The following NLRP7 variants were observed in gnomAD, a reference collection of about 807,000 sequenced individuals.
NLRP7 encodes NACHT, LRR and PYD domains-containing protein 7.
A neutral mutation model predicts 85.5 loss-of-function variants in NLRP7; 72 were observed. That is an observed-to-expected ratio of 0.84 (90% CI 0.70 to 1.02). The LOEUF is 1.02. NLRP7 is among the 50% of genes least tolerant of loss of function. The probability of loss-of-function intolerance (pLI) is 0.00; values close to 1 mark genes in which losing one functional copy is unlikely to be tolerated. For synonymous variants in NLRP7, 550 were observed against 505.2 expected (o/e 1.09, Z -1.19); for missense variants, 1,243 against 1,219.5 (o/e 1.02, Z -0.29).
exon 4 of NLRP7, chr19:54,939,672 G>A: frequency 1.9e-6 from 3 of 1,612,766 alleles, no homozygotes; most frequent in Non-Finnish European, 2.5e-6. Flanking sequence ...GTGGGGACCG[G>A]GTCCTCCCCC....
rs2069709140 is a variant in NLRP7, at chr19:54,952,674, T to TA, written c.-76-5170_-76-5169insT. On this transcript the variant is annotated intron_variant, in intron 1 of 2. Transcript: ENST00000587103. Reference sequence around the variant, plus strand: ...CTCCCATCTCCTCATTCCTCAGCCCTGTGATTAAACTTCCTTCTCTTCTGC... The same window carrying TA: ...CTCCCATCTCCTCATTCCTCAGCCCTAGTGATTAAACTTCCTTCTCTTCTGC... Among the ~76,000 whole-genome samples, 6 of 151,946 alleles carry TA rather than the reference T, an allele frequency of 3.9e-5. No homozygotes were observed. In the South Asian group the frequency reaches 1.2e-3, roughly 32 times the overall value.
chr19:54,952,079 T>G (rs981126315), upstream of NLRP7, among the ~76,000 whole-genome samples: 35 of 152,120 alleles, frequency 2.3e-4, no homozygotes, highest in African/African-American at 7.5e-4. Flanking sequence ...ATCTGCACGG[T>G]TCCTACAGAT....
exon 4 of NLRP7, chr19:54,939,510 T>C: frequency 6.2e-7 from 1 of 1,613,432 alleles, no homozygotes; most frequent in Non-Finnish European, 8.5e-7. Context: ...ACCCCGAGCC[T>C]TTCCAGGTCC....
At chr19:54,944,882 T>C (rs2069397183) in intron 1 of NLRP7, among the ~76,000 whole-genome samples, 1 of 152,112 alleles carries the variant, frequency 6.6e-6, no homozygotes, top group South Asian at 2.1e-4. Context: ...AATTAACATA[T>C]CCACTGCTTC....
intron 9 of NLRP7, 51 bp from the exon 11 acceptor site, chr19:54,923,923 C>T (rs1280475782): frequency 2.5e-6 from 4 of 1,591,178 alleles, no homozygotes; most frequent in Non-Finnish European, 3.4e-6. Context: ...TCTCAACTAC[C>T]CAGGATGCCT....
chr19:54,924,917 A>G (rs2068369170), intron 9 of NLRP7, among the ~76,000 whole-genome samples: 2 of 152,188 alleles, frequency 1.3e-5, no homozygotes, highest in South Asian at 4.1e-4. Context: ...AGCCCGGGTG[A>G]CAGAGCGAGA....
chr19:54,931,720 C>T (rs143415069), intron 8 of NLRP7, among the ~76,000 whole-genome samples: 1,815 of 151,782 alleles, frequency 0.012, 35 homozygotes, highest in African/African-American at 0.041. Context: ...TGTGGCGGCC[C>T]ATGCCTGTAA....
At chr19:54,929,749 C>T (rs2068593729) in intron 9 of NLRP7, among the ~76,000 whole-genome samples, 1 of 152,140 alleles carries the variant, frequency 6.6e-6, no homozygotes, top group Non-Finnish European at 1.5e-5. Flanking sequence ...AGTGCCCACC[C>T]ACATATATTC....
rs1368303956 is a variant in NLRP7, at chr19:54,938,909, TC to T, written c.1909del (p.Glu637AsnfsTer12). The T allele has an allele frequency of 6.2e-7, 1 of 1,614,092 alleles. No individual in the cohort carries two copies. The highest frequency in any genetic ancestry group is 2.2e-5 in the East Asian group (1 of 44,896). On this transcript the variant is annotated frameshift_variant, in exon 4 of 10. Coordinates refer to ENST00000340844, the Ensembl canonical transcript of NLRP7. LOFTEE classifies it high-confidence loss of function. ...TTACCTTTCAAATTCAATGTCCAGT[TC>T]AAAATCCATGTAATTCTCCAGGAAC...
intron 9 of NLRP7, among the ~76,000 whole-genome samples, chr19:54,925,977 G>A (rs2068416743): frequency 6.6e-6 from 1 of 151,402 alleles, no homozygotes. Flanking sequence ...TCCAGCCTGG[G>A]CGACAGAGAC....
chr19:54,962,227 T>G (rs920043292), intron 1 of NLRP7, among the ~76,000 whole-genome samples: 1 of 150,812 alleles, frequency 6.6e-6, no homozygotes, highest in Non-Finnish European at 1.5e-5. Context: ...AAACTGCTCC[T>G]GCACATTTTC....
exon 8 of NLRP7, chr19:54,933,599 C>T: frequency 1.2e-6 from 2 of 1,614,206 alleles, no homozygotes; most frequent in South Asian, 1.1e-5. Context: ...ATCAGGGTAA[C>T]TCAAGCCCTC....
chr19:54,945,238 C>CAA (rs75770706), intron 1 of NLRP7, among the ~76,000 whole-genome samples: 46 of 69,670 alleles, frequency 6.6e-4, no homozygotes, highest in African/African-American at 1.4e-3. Flanking sequence ...GACTCCCTCT[C>CAA]AAAAAAAAAA....
At chr19:54,965,382 G>A (rs2070323761) in intron 1 of NLRP7, 2 of 101,994 alleles carry the variant, frequency 2.0e-5, no homozygotes, top group South Asian at 5.1e-4. Context: ...TGGGAGGTGA[G>A]TAGCTCTCCG....
Position 54,939,359 on chromosome 19 carries a change from C to CCT in NLRP7, c.1459_1460insAG (p.Gly487GlufsTer30), listed in dbSNP as rs770507558. 5.6e-5 allele frequency: 91 copies of CCT among 1,613,772 alleles called. No homozygotes were observed. The East Asian group carries it at 6.0e-4, about 11-fold the overall frequency. On this transcript the variant is annotated frameshift_variant, in exon 4 of 10. Coordinates refer to ENST00000340844, the Ensembl canonical transcript of NLRP7. LOFTEE classifies it high-confidence loss of function. ...CCAGGCGTGGCCGTCCCTGTCCTCC[C>CCT]CCTCCTCCTTCTCCAGGGCGTAGAA...
intron 2 of NLRP7, among the ~76,000 whole-genome samples, chr19:54,941,225 C>A (rs1184922264): frequency 6.6e-6 from 1 of 151,232 alleles, no homozygotes; most frequent in Admixed American, 6.6e-5. Context: ...AAAAAATTAG[C>A]CAGGTGTGGT....
chr19:54,923,625 C>G, exon 10 of NLRP7: 1 of 1,217,664 alleles, frequency 8.2e-7, no homozygotes, highest in Non-Finnish European at 1.2e-6. Context: ...AGTGTCAAAT[C>G]CTACCTCTCG....
At chr19:54,927,390 A>T (rs2068489818) in intron 9 of NLRP7, among the ~76,000 whole-genome samples, 2 of 151,740 alleles carry the variant, frequency 1.3e-5, no homozygotes, top group African/African-American at 4.8e-5. Context: ...TCAAAAAAAA[A>T]AAAAGAAAAA....
At chr19:54,935,163 A>T (rs2068854551) in intron 6 of NLRP7, among the ~76,000 whole-genome samples, 1 of 152,054 alleles carries the variant, frequency 6.6e-6, no homozygotes, top group Non-Finnish European at 1.5e-5. Flanking sequence ...CTTCTCCAAG[A>T]GATTGTAATA....
Sources: gnomAD v4.1 joint callset for allele counts (sites outside exome capture counted in the v4.1 genomes callset) on GRCh38, gnomAD v4.1.1 for gene constraint, MANE v1.5 for transcripts, NCBI Gene and HGNC (gene_info 2026-07-23, HGNC 2026-07-21) for gene names.